Variants in SSX2IP observed in about 807,000 individuals in gnomAD.
SSX2IP encodes the protein afadin- and alpha-actinin-binding protein.
SSX2IP carries 55 observed loss-of-function variants against 84.9 expected under a neutral mutation model. That is an observed-to-expected ratio of 0.65 (90% CI 0.52 to 0.81). The LOEUF (loss-of-function observed/expected upper bound fraction) is 0.81. Ranked by LOEUF, SSX2IP falls within the 30% of genes least tolerant of loss-of-function variation. The pLI is 0.00. For synonymous variants in SSX2IP, 239 were observed against 234.7 expected, an observed-to-expected ratio of 1.02 and a Z score of -0.17; for missense variants, 664 against 705.2, an observed-to-expected ratio of 0.94 and a Z score of 0.66.
intron 4 of SSX2IP, 92 bp from the exon 5 acceptor site, chr1:84,666,324 C>T: frequency 1.1e-6 from 1 of 875,218 alleles, no homozygotes; most frequent in Non-Finnish European, 1.8e-6. Context: ...GTTATACATC[C>T]TAGTGTTTAT....
rs1649409349 is a variant in SSX2IP, at chr1:84,645,858, ATGC to A, written c.*1572_*1574del. 6.6e-6 allele frequency: 1 copy of A among 152,178 alleles called. No individual in the cohort carries two copies. Among genetic ancestry groups the A allele is most frequent in the Non-Finnish European group, 1.5e-5 (1 of 68,030 alleles). The allele number at this position is 152,178 out of a possible 1,614,324, so 9.4% of individuals were successfully genotyped here. The stretch of plus-strand genomic sequence containing the variant: ...TGCATCAAGCTGAAGGTAGTGACTA[ATGC>A]TCAAGAGCTAGCTCTTTAAAACTAT... On this transcript the variant is annotated 3_prime_UTR_variant, in exon 14 of 14. Transcript: ENST00000342203.
At chr1:84,689,107 G>C (rs905848066) in intron 1 of SSX2IP, among the ~76,000 whole-genome samples, 1 of 152,238 alleles carries the variant, frequency 6.6e-6, no homozygotes, top group Admixed American at 6.5e-5. Flanking sequence ...TTTAGGATAA[G>C]AGATCTGATG....
intron 11 of SSX2IP, among the ~76,000 whole-genome samples, chr1:84,654,890 C>A (rs2102230262): frequency 1.3e-5 from 2 of 152,136 alleles, no homozygotes; most frequent in South Asian, 4.2e-4. Flanking sequence ...CAAAGTAGTA[C>A]AGCAAGAGAG....
intron 11 of SSX2IP, chr1:84,655,194 T>C (rs1051657513): frequency 4.3e-5 from 16 of 376,128 alleles, no homozygotes; most frequent in Non-Finnish European, 1.1e-5. Flanking sequence ...TAGTACTTCC[T>C]AGAAGAATTT....
chr1:84,674,060 T>G (rs1011295503), intron 1 of SSX2IP, among the ~76,000 whole-genome samples: 5 of 152,164 alleles, frequency 3.3e-5, no homozygotes, highest in Non-Finnish European at 7.4e-5. Context: ...ATAATCACTA[T>G]AAGTAAAACA....
intron 11 of SSX2IP, among the ~76,000 whole-genome samples, chr1:84,654,107 G>A (rs1333526697): frequency 6.6e-6 from 1 of 152,000 alleles, no homozygotes; most frequent in Non-Finnish European, 1.5e-5. Flanking sequence ...CCAAATGTGT[G>A]TCTAACAAAA....
chr1:84,670,143 T>C (rs1653349286), intron 3 of SSX2IP: 1 of 269,880 alleles, frequency 3.7e-6, no homozygotes, highest in Non-Finnish European at 6.9e-6. Context: ...AAACATCATG[T>C]TGAACATGAC....
At chr1:84,685,430 C>G (rs1039180592) in intron 1 of SSX2IP, among the ~76,000 whole-genome samples, 4 of 152,216 alleles carry the variant, frequency 2.6e-5, no homozygotes, top group Non-Finnish European at 4.4e-5. Flanking sequence ...ATGATGAACT[C>G]AAGAGCACCT....
intron 8 of SSX2IP, among the ~76,000 whole-genome samples, chr1:84,661,803 G>A (rs923082770): frequency 6.6e-6 from 1 of 152,124 alleles, no homozygotes; most frequent in African/African-American, 2.4e-5. Context: ...TCCTAGCACT[G>A]TCATGTGTGA....
chr1:84,690,091 A>C (rs867192436), intron 1 of SSX2IP: 1 of 151,906 alleles, frequency 6.6e-6, no homozygotes, highest in South Asian at 2.1e-4. Flanking sequence ...TCCCCGGGTC[A>C]GAGCGCTCCG....
rs757796411 is a variant in SSX2IP at position 84,669,841 on chromosome 1, TC to T, written c.265del (p.Glu89ArgfsTer6). 1 of 1,613,444 alleles carries T rather than the reference TC, an allele frequency of 6.2e-7. No homozygotes were observed. Among genetic ancestry groups the T allele is most frequent in the Non-Finnish European group, 8.5e-7 (1 of 1,179,656 alleles). ...TACTATATTTAACTCTCTCTTTGTC[TC>T]TTTACCTTTGGATTCTTCATATAAT... ...PSLYEESKGK[E>X]TKRELNIVAV... On this transcript the variant is annotated frameshift_variant, in exon 4 of 14. Coordinates refer to ENST00000342203, the MANE Select transcript of SSX2IP (RefSeq NM_001166293.2). LOFTEE classifies it high-confidence loss of function.
intron 9 of SSX2IP, chr1:84,658,107 G>T: frequency 1.9e-6 from 1 of 517,136 alleles, no homozygotes; most frequent in Non-Finnish European, 3.3e-6. Flanking sequence ...CTACACTCTA[G>T]CCTGGGTGAC....
At chr1:84,674,636 T>C (rs2102479083) in intron 1 of SSX2IP, among the ~76,000 whole-genome samples, 1 of 152,290 alleles carries the variant, frequency 6.6e-6, no homozygotes, top group South Asian at 2.1e-4. Context: ...AAACTGTAAG[T>C]CAGTTATTCT....
intron 8 of SSX2IP, among the ~76,000 whole-genome samples, chr1:84,659,280 A>T (rs1245368855): frequency 7.4e-6 from 1 of 135,694 alleles, no homozygotes; most frequent in Non-Finnish European, 1.7e-5. Flanking sequence ...AGGATGAGGG[A>T]GCAACTGAGT....
At chr1:84,658,603 T>C in intron 8 of SSX2IP, 135 bp from the exon 9 acceptor site, 1 of 984,192 alleles carries the variant, frequency 1.0e-6, no homozygotes, top group Non-Finnish European at 1.4e-6. Flanking sequence ...TATGCATATA[T>C]GGCCCAGTAT....
At chr1:84,687,720 T>C (rs754634780) in intron 1 of SSX2IP, among the ~76,000 whole-genome samples, 1 of 152,214 alleles carries the variant, frequency 6.6e-6, no homozygotes, top group Non-Finnish European at 1.5e-5. Flanking sequence ...AATATCCTTC[T>C]AAAGTAAAAA....
rs574156641 is a variant in SSX2IP at position 84,652,654 on chromosome 1, C to T, written c.1390-657G>A. On this transcript the variant is annotated intron_variant, in intron 11 of 13. Coordinates refer to ENST00000342203, the MANE Select transcript of SSX2IP (RefSeq NM_001166293.2). ...CTGAGGCAGGAGAATCACATGAACCCAGGAGGCAGGGGTTGCAGTGAGCTG... is the reference window on the plus strand; with the variant it reads ...CTGAGGCAGGAGAATCACATGAACCTAGGAGGCAGGGGTTGCAGTGAGCTG... Among the ~76,000 whole-genome samples, 15 of 151,468 alleles carry T rather than the reference C, an allele frequency of 9.9e-5. No homozygotes were observed. The South Asian group carries it at 3.1e-3, about 32-fold the overall frequency.
chr1:84,669,549 A>G, intron 4 of SSX2IP, 132 bp downstream of exon 4: 1 of 694,626 alleles, frequency 1.4e-6, no homozygotes, highest in Middle Eastern at 3.6e-4. Context: ...TTATAAGTTC[A>G]CTTTTACTTA....
At chr1:84,670,523 T>C in intron 3 of SSX2IP, 123 bp downstream of exon 3, 1 of 616,032 alleles carries the variant, frequency 1.6e-6, no homozygotes, top group Non-Finnish European at 2.6e-6. Context: ...TCTCTGAAAA[T>C]CTAAGTCTCA....
Sources: allele counts gnomAD v4.1 joint callset (sites outside exome capture counted in the v4.1 genomes callset), GRCh38; gene constraint gnomAD v4.1.1; transcripts MANE v1.5; gene names NCBI Gene and HGNC (gene_info 2026-07-23, HGNC 2026-07-21).